Variants in METTL9 observed in about 807,000 individuals in gnomAD.
The protein encoded by METTL9 is methyltransferase 9, His-X-His N1(pi)-histidine, also known as protein-L-histidine N-pros-methyltransferase.
METTL9 carries 10 observed loss-of-function variants against 36.0 expected under a neutral mutation model. The ratio of observed to expected loss-of-function variants is 0.28; its 90% CI spans 0.17 to 0.47. METTL9 has a LOEUF of 0.47. METTL9 is among the 20% of genes least tolerant of loss of function. The pLI is 0.99. For missense variants in METTL9, 246 were observed against 383.5 expected, an observed-to-expected ratio of 0.64 and a Z score of 3.00; for synonymous variants, 175 against 149.7, an observed-to-expected ratio of 1.17 and a Z score of -1.23.
chr16:21,642,705 A>G (rs1390711545), intron 4 of METTL9, among the ~76,000 whole-genome samples: 1 of 152,134 alleles, frequency 6.6e-6, no homozygotes, highest in Non-Finnish European at 1.5e-5. Flanking sequence ...TTTTTTCATA[A>G]TTTGACCCAC....
chr16:21,599,920 G>C lies in METTL9; in HGVS notation c.165+22G>C. On this transcript the variant is annotated intron_variant, in intron 1 of 4. Transcript: ENST00000358154. This position sits in a 1 kb window ranked among gnomAD's most constrained non-coding sequence, Gnocchi z 4.4. ...CCAGGTACGGGCTGGGGCCGGGGCC[G>C]GGGCGGGGGCGTGGCGGCCCGGCCT... 1 of 1,320,016 alleles carries C rather than the reference G, an allele frequency of 7.6e-7. No homozygotes were observed. The highest frequency in any genetic ancestry group is 2.0e-5 in the South Asian group (1 of 48,886). 81.8% of individuals were successfully genotyped at this position (1,320,016 alleles called of 1,614,324 possible).
At chr16:21,611,737 TTGTC>T (rs888089174) in intron 1 of METTL9, among the ~76,000 whole-genome samples, 5 of 152,168 alleles carry the variant, frequency 3.3e-5, no homozygotes, top group African/African-American at 1.2e-4. Context: ...TTTAAGTGAT[TTGTC>T]TGAGCTCACA....
chr16:21,619,448 GAA>G (rs1965638264), intron 3 of METTL9, among the ~76,000 whole-genome samples: 1 of 149,784 alleles, frequency 6.7e-6, no homozygotes, highest in African/African-American at 2.5e-5. Flanking sequence ...TTCTGGAGAT[GAA>G]GTTTCACTTG....
chr16:21,608,070 A>G (rs1391147365), intron 1 of METTL9, among the ~76,000 whole-genome samples: 2 of 151,770 alleles, frequency 1.3e-5, no homozygotes. Context: ...AATCACTTGA[A>G]CCCGGCAGGC....
intron 4 of METTL9, chr16:21,643,147 C>T: frequency 6.2e-7 from 1 of 1,604,418 alleles, no homozygotes; most frequent in South Asian, 1.1e-5. Flanking sequence ...ACGCCGAGCA[C>T]TCTTCTTCTA....
chr16:21,612,939 T>A, intron 2 of METTL9, 104 bp downstream of exon 2: 1 of 1,001,458 alleles, frequency 1.0e-6, no homozygotes, highest in Non-Finnish European at 1.4e-6. Context: ...CTACCTGAGC[T>A]ACAATACTTC....
At chr16:21,626,828 G>T (rs778131636) in intron 4 of METTL9, 1 of 542,080 alleles carries the variant, frequency 1.8e-6, no homozygotes. Flanking sequence ...TTGGGCAACC[G>T]CATGATAGAA....
chr16:21,636,188 A>C (rs939455042), intron 4 of METTL9, among the ~76,000 whole-genome samples: 1 of 152,172 alleles, frequency 6.6e-6, no homozygotes, highest in African/African-American at 2.4e-5. Flanking sequence ...GTCCTCACTT[A>C]TATGAATAGG....
chr16:21,637,632 A>G (rs1966136568), intron 4 of METTL9, among the ~76,000 whole-genome samples: 1 of 152,250 alleles, frequency 6.6e-6, no homozygotes, highest in African/African-American at 2.4e-5. Context: ...GATTAAGCCC[A>G]GCAGGCACCA....
At position 21,644,314 on chromosome 16, in the gene METTL9, G is replaced by A. The variant is rs183946841; in HGVS notation, c.752-10913G>A. 4.3e-5 allele frequency: 69 copies of A among 1,613,118 alleles called. No individual in the cohort carries two copies. The East Asian group carries it at 4.9e-4, about 11-fold the overall frequency. ...CTTTGGAGAGGAGTATGAAGGCCACGCACACACCGGTCACATAGACAGAGA... is the reference window on the plus strand; with the variant it reads ...CTTTGGAGAGGAGTATGAAGGCCACACACACACCGGTCACATAGACAGAGA... On this transcript the variant is annotated intron_variant, in intron 4 of 4. Transcript: ENST00000358154.
At chr16:21,646,884 G>A (rs964205476) in intron 4 of METTL9, 1 of 481,592 alleles carries the variant, frequency 2.1e-6, no homozygotes, top group Admixed American at 3.2e-5. Context: ...TTGAACTCCT[G>A]ACCTCAAGTG....
chr16:21,645,589 A>G (rs759514079), intron 4 of METTL9, among the ~76,000 whole-genome samples: 7 of 152,230 alleles, frequency 4.6e-5, no homozygotes, highest in Non-Finnish European at 8.8e-5. Context: ...CAGTGTGAAA[A>G]TAGGAGTTCT....
intron 3 of METTL9, among the ~76,000 whole-genome samples, chr16:21,618,795 CCTCTACCT>C (rs1429753515): frequency 6.6e-6 from 1 of 151,884 alleles, no homozygotes; most frequent in Non-Finnish European, 1.5e-5. Flanking sequence ...CTCACTACAA[CCTCTACCT>C]CTCAGGTTCA....
At chr16:21,638,966 G>C (rs1966178188) in intron 4 of METTL9, among the ~76,000 whole-genome samples, 1 of 152,146 alleles carries the variant, frequency 6.6e-6, no homozygotes, top group African/African-American at 2.4e-5. Context: ...CTTTTGGTGT[G>C]GGTTTGGTTT....
chr16:21,638,829 C>T lies in METTL9; in HGVS notation c.751+13714C>T, dbSNP rs1966173808. Among the ~76,000 whole-genome samples, 2 of 152,136 alleles carry T rather than the reference C, an allele frequency of 1.3e-5. 1 individual carries two copies. Among genetic ancestry groups the T allele is most frequent in the South Asian group, 4.2e-4 (2 of 4,818 alleles). On this transcript the variant is annotated intron_variant, in intron 4 of 4. Coordinates refer to ENST00000358154, the MANE Select transcript of METTL9 (RefSeq NM_016025.5). ...GAGTAAGGTTTGTGTGGGGGTGGAGCAAGTTCAGTATGACCCGAGGATAGT... is the reference window on the plus strand; with the variant it reads ...GAGTAAGGTTTGTGTGGGGGTGGAGTAAGTTCAGTATGACCCGAGGATAGT...
Position 21,656,372 on chromosome 16 carries a change from C to G in METTL9, c.*940C>G, listed in dbSNP as rs1312970843. On this transcript the variant is annotated 3_prime_UTR_variant, in exon 5 of 5. Coordinates refer to ENST00000358154, the MANE Select transcript of METTL9 (RefSeq NM_016025.5). ...TTTTAATTCAACTTCTTACTCTACA[C>G]TTATATACCTCTCTCCCAGAGCTTG... 2.6e-5 allele frequency: 4 copies of G among 152,124 alleles called. No individual in the cohort carries two copies. The highest frequency in any genetic ancestry group is 4.4e-5 in the Non-Finnish European group (3 of 68,032). The allele number at this position is 152,124 out of a possible 1,614,324, so 9.4% of individuals were successfully genotyped here. A position where few individuals can be genotyped will look rare whatever the true frequency, so the allele number is the denominator to read the frequency against.
intron 1 of METTL9, among the ~76,000 whole-genome samples, chr16:21,611,091 A>C (rs1041852171): frequency 1.3e-5 from 2 of 152,216 alleles, no homozygotes; most frequent in African/African-American, 4.8e-5. Context: ...ATAGCTTGTC[A>C]TATAGAGTAG....
intron 4 of METTL9, chr16:21,627,104 G>A: frequency 1.0e-6 from 1 of 985,328 alleles, no homozygotes; most frequent in Non-Finnish European, 1.2e-6. Flanking sequence ...GACTTTTAGT[G>A]ACCTATAAAT....
At chr16:21,632,616 A>G (rs775706472) in intron 4 of METTL9, among the ~76,000 whole-genome samples, 3 of 152,268 alleles carry the variant, frequency 2.0e-5, no homozygotes, top group East Asian at 3.9e-4. Flanking sequence ...TGGTCCCTCA[A>G]GGAGTAGTGC....
Sources: gnomAD v4.1 joint callset for allele counts (sites outside exome capture counted in the v4.1 genomes callset) on GRCh38, gnomAD v4.1.1 for gene constraint, Gnocchi (gnomAD v3.1) non-coding constraint, MANE v1.5 for transcripts, NCBI Gene and HGNC (gene_info 2026-07-23, HGNC 2026-07-21) for gene names.